RASAL3: variants seen among roughly 807,000 people sequenced by gnomAD.
RASAL3 encodes the protein RAS protein activator like-3.
Under a neutral mutation model 105.5 loss-of-function variants are expected in RASAL3, and 74 were observed. The ratio of observed to expected loss-of-function variants is 0.70; its 90% CI spans 0.58 to 0.85. The LOEUF is 0.85. Among genes scored for constraint, RASAL3 ranks in the 40% least tolerant of loss-of-function variants. The probability of loss-of-function intolerance (pLI) is 0.00; values close to 1 mark genes in which losing one functional copy is unlikely to be tolerated. For missense variants in RASAL3, 1,352 were observed against 1,392.0 expected (o/e 0.97, Z 0.46); for synonymous variants, 579 against 591.6 (o/e 0.98, Z 0.31).
At chr19:15,452,940 C>T (rs1970204927) in intron 15 of RASAL3, 125 bp from the exon 16 acceptor site, 1 of 1,456,616 alleles carries the variant, frequency 6.9e-7, no homozygotes, top group African/African-American at 1.4e-5. Flanking sequence ...GAACATCCCT[C>T]CTGCGGTACA....
At chr19:15,458,498 G>C (rs781511916) in intron 7 of RASAL3, 31 bp downstream of exon 7, 1 of 1,613,728 alleles carries the variant, frequency 6.2e-7, no homozygotes, top group South Asian at 1.1e-5. Context: ...GTGGGACTGA[G>C]GTGGAATCGA....
chr19:15,452,694 C>T lies in RASAL3; in HGVS notation c.2792G>A (p.Gly931Asp), dbSNP rs969255243. The T allele has an allele frequency of 4.5e-6, 7 of 1,551,502 alleles. No individual in the cohort carries two copies. The highest frequency in any genetic ancestry group is 2.4e-5 in the South Asian group (2 of 84,102). The change falls in exon 16 of 18, where the codon GGC becomes GAC. Residue 931 changes from glycine (G) to aspartate (D), a missense_variant. By Grantham distance (94) the Gly-to-Asp change is moderately conservative. This residue lies in a region of RASAL3 where 920 missense variants were observed against 919.6 expected (regional missense o/e 1.00). Transcript: ENST00000343625. ...ALTEQQEQLR[G>D]QLQDLDSRLR... is the part of the protein sequence containing the mutation. ...CCTGGAGTCCAGATCCTGCAGCTGG[C>T]CCCGCAGCTGCTCCTGCTGCTCCGT...
rs374507709 is a variant in RASAL3, at chr19:15,456,073, T to C, written c.1721+31A>G. 1.2e-6 allele frequency: 2 copies of C among 1,605,746 alleles called. No homozygotes were observed. The highest frequency in any genetic ancestry group is 1.1e-5 in the South Asian group (1 of 90,662). On this transcript the variant is annotated intron_variant, in intron 11 of 17. Coordinates refer to ENST00000343625, the MANE Select transcript of RASAL3 (RefSeq NM_022904.3). This position sits in a 1 kb window ranked among gnomAD's most constrained non-coding sequence, Gnocchi z 4.4. Reference sequence around the variant, plus strand: ...TCGGGGCTAGCATGGTAAGCAGGGGTGGGCTAAGCTGCTGGGGCCCTGATT... The same window carrying C: ...TCGGGGCTAGCATGGTAAGCAGGGGCGGGCTAAGCTGCTGGGGCCCTGATT...
intron 2 of RASAL3, among the ~76,000 whole-genome samples, chr19:15,462,119 AGGT>A (rs1223969440): frequency 1.3e-5 from 2 of 151,974 alleles, no homozygotes; most frequent in Non-Finnish European, 2.9e-5. Context: ...TGGGAGGCCG[AGGT>A]GGGGCAGATT....
rs1379868396 is a variant in RASAL3, at chr19:15,454,851, T to A, written c.1764A>T (p.Arg588=). The A allele has an allele frequency of 1.3e-6, 2 of 1,577,436 alleles. No individual in the cohort carries two copies. The change falls in exon 12 of 18, where the codon CGA becomes CGT. Residue 588 remains arginine (R), a synonymous_variant. Transcript: ENST00000343625. ...AELGIVFSSW[R]EACKERGSEV... ...CAGAGCCACGTTCTTTACATGCTTCTCGCCAGCTTGAGAACACGATGCCCA... is the reference window on the plus strand; with the variant it reads ...CAGAGCCACGTTCTTTACATGCTTCACGCCAGCTTGAGAACACGATGCCCA...
Position 15,453,156 on chromosome 19 carries a change from T to G in RASAL3, c.2621A>C (p.Gln874Pro). ...PSVPWQRQMD[Q>P]PQDRNQALGT... ...CAGTGCCTGGTTTCGGTCTTGCGGC[T>G]GGTCCATTTGGCGCTGCCAGGGTAC... The change falls in exon 15 of 18, where the codon CAG becomes CCG. Residue 874 changes from glutamine to proline, a missense_variant. Physicochemically the swap from Gln to Pro is moderately conservative, Grantham distance 76. Coordinates refer to ENST00000343625, the MANE Select transcript of RASAL3 (RefSeq NM_022904.3). This position sits in a 1 kb window ranked among gnomAD's most constrained non-coding sequence, Gnocchi z 4.2. 6.2e-7 allele frequency: 1 copy of G among 1,613,554 alleles called. No individual in the cohort carries two copies. The highest frequency in any genetic ancestry group is 8.5e-7 in the Non-Finnish European group (1 of 1,179,672).
chr19:15,456,389 C>A lies in RASAL3; in HGVS notation c.1576+113G>T. 1.3e-6 allele frequency: 2 copies of A among 1,522,594 alleles called. No homozygotes were observed. Among genetic ancestry groups the A allele is most frequent in the Non-Finnish European group, 1.8e-6 (2 of 1,124,104 alleles). 94.3% of individuals were successfully genotyped at this position (1,522,594 alleles called of 1,614,324 possible). ...CCCAATTGTCCCCAGGATCCTAGCA[C>A]CCCCAAAACACCACTCACTACCAGA... On this transcript the variant is annotated intron_variant, in intron 10 of 17. Transcript: ENST00000343625. The surrounding 1 kb of genome is among the most constrained non-coding windows in gnomAD (Gnocchi z 4.4).
chr19:15,451,937 T>C lies in RASAL3; in HGVS notation c.2894A>G (p.Glu965Gly). ...TCTCTCCATCTCATTTAGGCGGTGCTCCTGGGGAGGCAGTGGTGATGGGGT... is the reference window on the plus strand; with the variant it reads ...TCTCTCCATCTCATTTAGGCGGTGCCCCTGGGGAGGCAGTGGTGATGGGGT... Reference protein sequence around the residue: ...SNEGHSLKNLEHRLNEMERTQ... With the variant: ...SNEGHSLKNLGHRLNEMERTQ... The change falls in exon 18 of 18, where the codon GAG becomes GGG. Residue 965 changes from glutamate to glycine, a missense_variant and splice_region_variant. By Grantham distance (98) the Glu-to-Gly change is moderately conservative. This residue lies in a region of RASAL3 where 920 missense variants were observed against 919.6 expected (regional missense o/e 1.00). Transcript: ENST00000343625. The C allele has an allele frequency of 6.2e-7, 1 of 1,610,600 alleles. No homozygotes were observed. The highest frequency in any genetic ancestry group is 1.7e-5 in the Admixed American group (1 of 59,942).
In RASAL3 at chr19:15,460,250, G is replaced by T; in HGVS notation, c.615C>A (p.Leu205=). The T allele has an allele frequency of 6.2e-7, 1 of 1,608,146 alleles. No individual in the cohort carries two copies. The highest frequency in any genetic ancestry group is 8.5e-7 in the Non-Finnish European group (1 of 1,177,368). Residue 205 remains leucine, a synonymous_variant, in exon 6 of 18, where the codon CTC becomes CTA. Transcript: ENST00000343625. The part of the protein sequence containing the change: ...PNQVHNVRGL[L]KRLKEKKKAR... ...CCTTTTTCTTCTCTTTCAGCCTCTT[G>T]AGCAACCCCTGTGGGGAAGGGAATG...
chr19:15,452,116 G>T lies in RASAL3; in HGVS notation c.2829-8C>A. On this transcript the variant is annotated splice_region_variant and splice_polypyrimidine_tract_variant and intron_variant, in intron 16 of 17. Coordinates refer to ENST00000343625, the MANE Select transcript of RASAL3 (RefSeq NM_022904.3). The stretch of plus-strand genomic sequence containing the variant: ...GAATCAAACTCTGAGCTCCTGTGGG[G>T]GTCGGGGGATTGGGGCGAAGGGCAG... 6.2e-7 allele frequency: 1 copy of T among 1,613,836 alleles called. No individual in the cohort carries two copies. Among genetic ancestry groups the T allele is most frequent in the Non-Finnish European group, 8.5e-7 (1 of 1,179,838 alleles).
At position 15,456,074 on chromosome 19, in the gene RASAL3, G is replaced by A. The variant is rs763659976; in HGVS notation, c.1721+30C>T. On this transcript the variant is annotated intron_variant, in intron 11 of 17. Coordinates refer to ENST00000343625, the MANE Select transcript of RASAL3 (RefSeq NM_022904.3). The surrounding 1 kb of genome is among the most constrained non-coding windows in gnomAD (Gnocchi z 4.4). The stretch of plus-strand genomic sequence containing the variant: ...CGGGGCTAGCATGGTAAGCAGGGGT[G>A]GGCTAAGCTGCTGGGGCCCTGATTC... The A allele has an allele frequency of 2.4e-5, 39 of 1,607,812 alleles. 1 individual carries two copies. The South Asian group carries it at 3.6e-4, about 15-fold the overall frequency.
chr19:15,462,004 G>GTT (rs199527396), intron 2 of RASAL3, among the ~76,000 whole-genome samples: 9 of 151,242 alleles, frequency 6.0e-5, no homozygotes, highest in African/African-American at 2.2e-4. Context: ...TTGTTTTTTT[G>GTT]TTTTTTTTGC....
In RASAL3 at chr19:15,458,736, G is replaced by C. The variant is rs1970411957; in HGVS notation, c.663-81C>G. The C allele has an allele frequency of 3.3e-6, 5 of 1,521,688 alleles. No individual in the cohort carries two copies. In the East Asian group the frequency reaches 1.2e-4, roughly 37 times the overall value. The allele number at this position is 1,521,688 out of a possible 1,614,324, so 94.3% of individuals were successfully genotyped here. ...AGCCTGAAGGGTAGAGGAAGGCCAG[G>C]AAGGACTTCAACCCAATTCGGATCC... On this transcript the variant is annotated intron_variant, in intron 6 of 17. Coordinates refer to ENST00000343625, the MANE Select transcript of RASAL3 (RefSeq NM_022904.3).
At position 15,457,440 on chromosome 19, in the gene RASAL3, G is replaced by A. The variant is rs944953328; in HGVS notation, c.1283C>T (p.Pro428Leu). The change falls in exon 9 of 18, where the codon CCG becomes CTG. Residue 428 changes from proline (P) to leucine (L), a missense_variant. Pro to Leu is a moderately conservative substitution (Grantham distance 98). This residue lies in a region of RASAL3 where 920 missense variants were observed against 919.6 expected (regional missense o/e 1.00). Coordinates refer to ENST00000343625, the MANE Select transcript of RASAL3 (RefSeq NM_022904.3). This position sits in a 1 kb window ranked among gnomAD's most constrained non-coding sequence, Gnocchi z 8.6. Reference sequence around the variant, plus strand: ...CGCCAGCTCCTTGTAGCGCTCGGACGGCAGCACGCGCAGGCGACGCGCCCG... The same window carrying A: ...CGCCAGCTCCTTGTAGCGCTCGGACAGCAGCACGCGCAGGCGACGCGCCCG... ...RIRARRLRVL[P>L]SERYKELAEF... 6 of 1,422,662 alleles carry A rather than the reference G, an allele frequency of 4.2e-6. No homozygotes were observed. Among genetic ancestry groups the A allele is most frequent in the East Asian group, 3.4e-5 (1 of 29,562 alleles). The allele number at this position is 1,422,662 out of a possible 1,614,324, so 88.1% of individuals were successfully genotyped here.
Position 15,456,482 on chromosome 19 carries a change from T to C in RASAL3, c.1576+20A>G, listed in dbSNP as rs1970322522. On this transcript the variant is annotated intron_variant, in intron 10 of 17. Coordinates refer to ENST00000343625, the MANE Select transcript of RASAL3 (RefSeq NM_022904.3). This position sits in a 1 kb window ranked among gnomAD's most constrained non-coding sequence, Gnocchi z 4.4. ...CTAGCTCACCAGCAGGCCGCTGACA[T>C]GGACTCTCCCCCAGCTCACCCAGGG... is the stretch of plus-strand genomic sequence containing the variant. The C allele has an allele frequency of 6.2e-7, 1 of 1,612,998 alleles. No homozygotes were observed.
chr19:15,464,399 G>C, intron 1 of RASAL3, 22 bp from the exon 2 acceptor site: 18 of 1,474,106 alleles, frequency 1.2e-5, no homozygotes, highest in Non-Finnish European at 1.7e-5. Context: ...GAGAGTGACA[G>C]TAGTGCCCAG....
At position 15,461,556 on chromosome 19, in the gene RASAL3, G is replaced by A; in HGVS notation, c.380C>T (p.Ala127Val). ...LEPPTPQIPE[A>V]PTPNVPVWDI... The stretch of plus-strand genomic sequence containing the variant: ...CCAGACAGGCACGTTGGGTGTGGGG[G>A]CCTCAGGGATCTGTGGGGTAGGGGG... The change falls in exon 3 of 18, where the codon GCC becomes GTC. Residue 127 changes from alanine (A) to valine (V), a missense_variant. Physicochemically the swap from Ala to Val is moderately conservative, Grantham distance 64. This residue lies in a region of RASAL3 where 344 missense variants were observed against 339.6 expected (regional missense o/e 1.01). Coordinates refer to ENST00000343625, the MANE Select transcript of RASAL3 (RefSeq NM_022904.3). The A allele has an allele frequency of 6.5e-7, 1 of 1,534,202 alleles. No homozygotes were observed. The highest frequency in any genetic ancestry group is 8.7e-7 in the Non-Finnish European group (1 of 1,145,408).
chr19:15,453,062 G>T lies in RASAL3; in HGVS notation c.2670+45C>A. The T allele has an allele frequency of 6.2e-7, 1 of 1,610,586 alleles. No homozygotes were observed. Among genetic ancestry groups the T allele is most frequent in the Non-Finnish European group, 8.5e-7 (1 of 1,179,118 alleles). ...TGGCCCTTCAGTCTTCCCCAGTCGC[G>T]TCCCTGTTCCCACTCCCCAGGCGCG... On this transcript the variant is annotated intron_variant, in intron 15 of 17. Transcript: ENST00000343625. This position sits in a 1 kb window ranked among gnomAD's most constrained non-coding sequence, Gnocchi z 4.2.
In RASAL3 at chr19:15,461,626, A is replaced by C. The variant is rs1352879182; in HGVS notation, c.329-19T>G. 6.6e-7 allele frequency: 1 copy of C among 1,504,898 alleles called. No homozygotes were observed. The highest frequency in any genetic ancestry group is 8.8e-7 in the Non-Finnish European group (1 of 1,130,336). The allele number at this position is 1,504,898 out of a possible 1,614,324, so 93.2% of individuals were successfully genotyped here. On this transcript the variant is annotated intron_variant, in intron 2 of 17. Transcript: ENST00000343625. ...TCCAGCTCTGGGAAGAAGAGGAGGC[A>C]CTGGGGGACTTAAGAGACGTTTTCT...
Sources: gnomAD v4.1 joint callset for allele counts (sites outside exome capture counted in the v4.1 genomes callset) on GRCh38, gnomAD v4.1.1 for gene constraint, gnomAD v4.1.1 regional missense constraint, Gnocchi (gnomAD v3.1) non-coding constraint, MANE v1.5 for transcripts, NCBI Gene and HGNC (gene_info 2026-07-23, HGNC 2026-07-21) for gene names.